The following NEURL1B variants were observed in gnomAD, a reference collection of about 807,000 sequenced individuals.
The protein encoded by NEURL1B is E3 ubiquitin-protein ligase NEURL1B.
A neutral mutation model predicts 37.4 loss-of-function variants in NEURL1B; 13 were observed. That is an observed-to-expected ratio of 0.35 (90% CI 0.23 to 0.55). The LOEUF (loss-of-function observed/expected upper bound fraction) is 0.55, where lower values mean the gene tolerates loss of function less well. Ranked by LOEUF, NEURL1B falls within the 20% of genes least tolerant of loss-of-function variation. NEURL1B has a pLI of 0.89. For synonymous variants in NEURL1B, 432 were observed against 426.6 expected, an observed-to-expected ratio of 1.01 and a Z score of -0.16; for missense variants, 790 against 879.2, an observed-to-expected ratio of 0.90 and a Z score of 1.28.
Position 172,665,663 on chromosome 5 carries a change from C to T in NEURL1B, c.32-4122C>T, listed in dbSNP as rs2113296756. 6.6e-6 allele frequency among the ~76,000 whole-genome samples: 1 copy of T among 152,292 alleles called. No individual in the cohort carries two copies. Among genetic ancestry groups the T allele is most frequent in the East Asian group, 1.9e-4 (1 of 5,174 alleles). ...GTGACTGCCCAACCTGGCACACCCC[C>T]TGCCACACCTACCGTATCACTTTAC... On this transcript the variant is annotated intron_variant, in intron 1 of 4. Transcript: ENST00000369800. This position sits in a 1 kb window ranked among gnomAD's most constrained non-coding sequence, Gnocchi z 4.1.
At chr5:172,671,421 T>A (rs1322122203) in intron 2 of NEURL1B, among the ~76,000 whole-genome samples, 1 of 152,212 alleles carries the variant, frequency 6.6e-6, no homozygotes, top group Non-Finnish European at 1.5e-5. Flanking sequence ...GACAGACTGA[T>A]GCACCTGTCC....
chr5:172,649,032 G>A (rs1431464386), intron 1 of NEURL1B, among the ~76,000 whole-genome samples: 1 of 152,240 alleles, frequency 6.6e-6, no homozygotes, highest in Admixed American at 6.5e-5. Context: ...CTGCAGACCT[G>A]AAGGGGAAGT....
At chr5:172,680,224 A>G (rs1758321873) in intron 2 of NEURL1B, among the ~76,000 whole-genome samples, 1 of 152,142 alleles carries the variant, frequency 6.6e-6, no homozygotes, top group Non-Finnish European at 1.5e-5. Context: ...CTATCACTCT[A>G]TCACTCTATG....
chr5:172,659,179 A>C (rs1757851234), intron 1 of NEURL1B, among the ~76,000 whole-genome samples: 1 of 152,114 alleles, frequency 6.6e-6, no homozygotes, highest in Non-Finnish European at 1.5e-5. Context: ...GGGACCAGCA[A>C]ACATTTTGCC....
intron 2 of NEURL1B, among the ~76,000 whole-genome samples, chr5:172,681,613 T>C (rs945731326): frequency 2.0e-5 from 3 of 152,208 alleles, no homozygotes; most frequent in Non-Finnish European, 2.9e-5. Flanking sequence ...CAAGCTTCTT[T>C]AGCCCATTGT....
At chr5:172,680,228 C>G (rs34162788) in intron 2 of NEURL1B, among the ~76,000 whole-genome samples, 57,516 of 152,060 alleles carry the variant, frequency 0.38, 11,693 homozygotes, top group South Asian at 0.46. Context: ...CACTCTATCA[C>G]TCTATGTTAT....
At chr5:172,662,810 A>G (rs1471184784) in intron 1 of NEURL1B, among the ~76,000 whole-genome samples, 2 of 147,044 alleles carry the variant, frequency 1.4e-5, no homozygotes, top group African/African-American at 4.9e-5. Context: ...CCACCCACAG[A>G]CACTCATCAC....
rs948895454 is a variant in NEURL1B at position 172,670,248 on chromosome 5, C to T, written c.495C>T (p.Leu165=). 2 of 1,399,798 alleles carry T rather than the reference C, an allele frequency of 1.4e-6. No individual in the cohort carries two copies. The highest frequency in any genetic ancestry group is 3.0e-5 in the African/African-American group (2 of 65,948). The allele number at this position is 1,399,798 out of a possible 1,614,324, so 86.7% of individuals were successfully genotyped here. A position where few individuals can be genotyped will look rare whatever the true frequency, so the allele number is the denominator to read the frequency against. The change falls in exon 2 of 5, where the codon CTC becomes CTT. Residue 165 remains leucine, a synonymous_variant. Coordinates refer to ENST00000369800, the MANE Select transcript of NEURL1B (RefSeq NM_001142651.3). The part of the protein sequence containing the change: ...FYSVNDGEPV[L]FHCGVAVGGP... Reference sequence around the variant, plus strand: ...GCGTGAACGACGGCGAGCCGGTGCTCTTCCACTGCGGCGTGGCCGTGGGCG... The same window carrying T: ...GCGTGAACGACGGCGAGCCGGTGCTTTTCCACTGCGGCGTGGCCGTGGGCG...
At chr5:172,653,824 G>A (rs564684272) in intron 1 of NEURL1B, among the ~76,000 whole-genome samples, 149 of 152,060 alleles carry the variant, frequency 9.8e-4, no homozygotes, top group East Asian at 3.3e-3. Context: ...CATTTCTTGC[G>A]TAAATTCCCT....
intron 2 of NEURL1B, among the ~76,000 whole-genome samples, chr5:172,677,782 A>G (rs927310160): frequency 1.6e-4 from 25 of 151,946 alleles, no homozygotes; most frequent in Non-Finnish European, 3.5e-4. Context: ...AATCACCCCC[A>G]TGAGCACACA....
chr5:172,677,171 C>T (rs147546282), intron 2 of NEURL1B, among the ~76,000 whole-genome samples: 173 of 152,142 alleles, frequency 1.1e-3, no homozygotes, highest in African/African-American at 4.0e-3. Context: ...GGGAGCCACG[C>T]GGAGTCATTA....
intron 1 of NEURL1B, among the ~76,000 whole-genome samples, chr5:172,655,914 G>A (rs573356477): frequency 9.3e-4 from 141 of 152,136 alleles, no homozygotes; most frequent in African/African-American, 3.3e-3. Context: ...ATAAAGTTTC[G>A]GTGCCGCAAA....
At chr5:172,654,571 A>ATTT (rs34546667) in intron 1 of NEURL1B, among the ~76,000 whole-genome samples, 1 of 137,028 alleles carries the variant, frequency 7.3e-6, no homozygotes. Flanking sequence ...GAGTTAAACT[A>ATTT]TTTTTTTTTT....
chr5:172,680,866 T>C (rs1051887845), intron 2 of NEURL1B, among the ~76,000 whole-genome samples: 2 of 152,196 alleles, frequency 1.3e-5, no homozygotes, highest in African/African-American at 4.8e-5. Flanking sequence ...TTTTTTCCCA[T>C]AAAAATTTGT....
chr5:172,682,832 G>A (rs906091052), intron 2 of NEURL1B, among the ~76,000 whole-genome samples: 10 of 152,308 alleles, frequency 6.6e-5, no homozygotes, highest in Admixed American at 6.5e-4. Flanking sequence ...TAGTAGCCAT[G>A]TGCCCTTGGT....
rs1292203266 is a variant in NEURL1B at position 172,676,151 on chromosome 5, AG to A, written c.577+5823del. 1.3e-5 allele frequency among the ~76,000 whole-genome samples: 2 copies of A among 151,552 alleles called. No individual in the cohort carries two copies. Among genetic ancestry groups the A allele is most frequent in the South Asian group, 2.1e-4 (1 of 4,760 alleles). On this transcript the variant is annotated intron_variant, in intron 2 of 4. Transcript: ENST00000369800. This position sits in a 1 kb window ranked among gnomAD's most constrained non-coding sequence, Gnocchi z 4.5. ...CAGAAACTCAGTTCAGTCTCACTTA[AG>A]GAAAAAAAAAAAAAAAGAGGAAGCA...
In NEURL1B at chr5:172,643,079, G is replaced by A. The variant is rs144080319; in HGVS notation, c.31+1642G>A. 4.6e-5 allele frequency among the ~76,000 whole-genome samples: 7 copies of A among 152,334 alleles called. No homozygotes were observed. The East Asian group carries it at 1.3e-3, about 29-fold the overall frequency. On this transcript the variant is annotated intron_variant, in intron 1 of 4. Transcript: ENST00000369800. The stretch of plus-strand genomic sequence containing the variant: ...ACACACGCCAGGCAGGCTAAATATA[G>A]CTAGAGATTTATGTATTCTCCATCC...
intron 1 of NEURL1B, among the ~76,000 whole-genome samples, chr5:172,643,745 T>G (rs1757510641): frequency 1.3e-5 from 2 of 152,204 alleles, no homozygotes; most frequent in South Asian, 4.1e-4. Context: ...ATCCTTGTGC[T>G]TTCGTTCTCA....
chr5:172,649,161 C>A (rs1343312305), intron 1 of NEURL1B, among the ~76,000 whole-genome samples: 3 of 149,900 alleles, frequency 2.0e-5, no homozygotes, highest in African/African-American at 5.1e-5. Flanking sequence ...GCGGGGAGAA[C>A]GTGCCTGTCA....
Sources: gnomAD v4.1 joint callset for allele counts (sites outside exome capture counted in the v4.1 genomes callset) on GRCh38, gnomAD v4.1.1 for gene constraint, Gnocchi (gnomAD v3.1) non-coding constraint, MANE v1.5 for transcripts, NCBI Gene and HGNC (gene_info 2026-07-23, HGNC 2026-07-21) for gene names.